Variants in INSL6 observed in about 807,000 individuals in gnomAD.
INSL6 encodes insulin-like peptide INSL6.
In INSL6, 16 loss-of-function variants were observed where a neutral mutation model predicts 9.4. The observed-to-expected ratio is 1.70, with a 90% confidence interval of 1.15 to 2.59. The LOEUF is 2.59. Among genes scored for constraint, INSL6 ranks in the 30% most tolerant of loss-of-function variants. INSL6 has a pLI of 0.00. For missense variants in INSL6, 391 were observed against 257.3 expected (o/e 1.52, Z -3.56); for synonymous variants, 154 against 96.9 (o/e 1.59, Z -3.46).
intron 2 of INSL6, among the ~76,000 whole-genome samples, chr9:5,144,376 T>C (rs984181277): frequency 2.6e-5 from 4 of 152,220 alleles, no homozygotes; most frequent in African/African-American, 9.6e-5. Context: ...ACCGTTTGTA[T>C]GATTTCAGTT....
At chr9:5,176,326 C>G (rs529333314) in intron 1 of INSL6, among the ~76,000 whole-genome samples, 4 of 152,298 alleles carry the variant, frequency 2.6e-5, no homozygotes, top group African/African-American at 9.6e-5. Flanking sequence ...CAACTCCTTG[C>G]TCTGTTTATC....
At chr9:5,110,752 C>T in the INSL6 span, 1 of 377,480 alleles carries the variant, frequency 2.6e-6, no homozygotes, top group Non-Finnish European at 5.2e-6. Flanking sequence ...TTTCTTTGCT[C>T]TGCGGACTGG....
chr9:5,111,073 A>C, the INSL6 span: 1 of 1,214,412 alleles, frequency 8.2e-7, no homozygotes, highest in African/African-American at 1.5e-5. Flanking sequence ...GAACTGGCCC[A>C]GCTCAGGCTC....
At chr9:5,129,942 T>TA (rs1354206239) in intron 3 of INSL6, among the ~76,000 whole-genome samples, 3 of 152,170 alleles carry the variant, frequency 2.0e-5, no homozygotes, top group African/African-American at 7.2e-5. Context: ...CTTCTTAGGT[T>TA]AAAAAATTAA....
chr9:5,035,569 C>T, the INSL6 span, among the ~76,000 whole-genome samples: 1 of 152,180 alleles, frequency 6.6e-6, no homozygotes, highest in South Asian at 2.1e-4. Context: ...GGATGCAAGG[C>T]TGGTTCAACA....
At chr9:5,166,766 C>T (rs1171681308) in intron 1 of INSL6, among the ~76,000 whole-genome samples, 4 of 152,130 alleles carry the variant, frequency 2.6e-5, no homozygotes, top group South Asian at 2.1e-4. Flanking sequence ...TTCCAGAAAA[C>T]GAGCAAAAGC....
the INSL6 span, among the ~76,000 whole-genome samples, chr9:5,025,869 A>C: frequency 6.6e-6 from 1 of 152,178 alleles, no homozygotes; most frequent in Non-Finnish European, 1.5e-5. Context: ...TAAATTAATG[A>C]ATCTTTTTAA....
At chr9:5,050,805 C>G in the INSL6 span, 4 of 1,613,476 alleles carry the variant, frequency 2.5e-6, no homozygotes, top group Non-Finnish European at 3.4e-6. Context: ...ACGATCAAAC[C>G]CCACTGGCCA....
intron 2 of INSL6, among the ~76,000 whole-genome samples, chr9:5,138,117 C>T (rs1024051218): frequency 6.6e-6 from 1 of 152,172 alleles, no homozygotes; most frequent in African/African-American, 2.4e-5. Context: ...AATAGGAATG[C>T]TTTTACACTG....
chr9:5,117,677 AAATAT>A, the INSL6 span, among the ~76,000 whole-genome samples: 2 of 83,778 alleles, frequency 2.4e-5, no homozygotes. Context: ...ATAAATTAAT[AAATAT>A]TTTTATATTT....
At chr9:5,083,582 G>GC in the INSL6 span, among the ~76,000 whole-genome samples, 1 of 151,646 alleles carries the variant, frequency 6.6e-6, no homozygotes, top group Non-Finnish European at 1.5e-5. Flanking sequence ...TTGTTTGCTT[G>GC]CCCTTTTTTT....
chr9:5,028,877 G>C, the INSL6 span, among the ~76,000 whole-genome samples: 1 of 152,156 alleles, frequency 6.6e-6, no homozygotes, highest in Non-Finnish European at 1.5e-5. Context: ...TATTGTGGCT[G>C]GTTTGATCTT....
the INSL6 span, among the ~76,000 whole-genome samples, chr9:5,006,060 A>G: frequency 6.6e-6 from 1 of 152,196 alleles, no homozygotes; most frequent in East Asian, 1.9e-4. Flanking sequence ...TGGGGATGGC[A>G]TTGAATCTAT....
At chr9:5,158,788 AG>A (rs1172651873) in intron 2 of INSL6, among the ~76,000 whole-genome samples, 1 of 152,222 alleles carries the variant, frequency 6.6e-6, no homozygotes, top group African/African-American at 2.4e-5. Flanking sequence ...GTTAATGACC[AG>A]GAAGAAATCA....
At chr9:5,161,010 AG>A (rs1824914690), downstream of INSL6, among the ~76,000 whole-genome samples, 1 of 152,204 alleles carries the variant, frequency 6.6e-6, no homozygotes, top group Admixed American at 6.5e-5. Flanking sequence ...TAACATTTAA[AG>A]AAAAACTAAT....
the INSL6 span, chr9:5,091,508 G>C: frequency 2.0e-5 from 3 of 152,106 alleles, no homozygotes; most frequent in Admixed American, 6.6e-5. Context: ...GGATTTTGTA[G>C]GTGCAGCTGC....
intron 1 of INSL6, among the ~76,000 whole-genome samples, chr9:5,167,070 G>C (rs1564051087): frequency 6.6e-6 from 1 of 152,028 alleles, no homozygotes; most frequent in Non-Finnish European, 1.5e-5. Context: ...TCTCTCATTG[G>C]GACTGACTAG....
At chr9:5,134,231 T>C (rs926418630) in intron 2 of INSL6, among the ~76,000 whole-genome samples, 4 of 152,172 alleles carry the variant, frequency 2.6e-5, no homozygotes, top group Admixed American at 2.0e-4. Flanking sequence ...TACCTGAAAG[T>C]TGACAGGGAG....
At chr9:5,144,425 G>A (rs977186186) in intron 2 of INSL6, among the ~76,000 whole-genome samples, 23 of 152,150 alleles carry the variant, frequency 1.5e-4, no homozygotes, top group African/African-American at 4.3e-4. Context: ...TTCTGATTAC[G>A]TAATTGCTTT....
Sources: gnomAD v4.1 joint callset for allele counts (sites outside exome capture counted in the v4.1 genomes callset) on GRCh38, gnomAD v4.1.1 for gene constraint, MANE v1.5 for transcripts, NCBI Gene and HGNC (gene_info 2026-07-23, HGNC 2026-07-21) for gene names.